RUNDC3B: variants seen among roughly 807,000 people sequenced by gnomAD.
RUNDC3B encodes the protein RUN domain containing 3B, also known as RUN domain-containing protein 3B.
In RUNDC3B, 33 loss-of-function variants were observed where a neutral mutation model predicts 58.4. The ratio of observed to expected loss-of-function variants is 0.56; its 90% CI spans 0.43 to 0.75. The LOEUF (loss-of-function observed/expected upper bound fraction) is 0.75. Among genes scored for constraint, RUNDC3B ranks in the 30% least tolerant of loss-of-function variants. The pLI, the probability that RUNDC3B is intolerant of heterozygous loss-of-function variation, is 0.00. For missense variants in RUNDC3B, 501 were observed against 535.7 expected (o/e 0.94, Z 0.64); for synonymous variants, 193 against 195.2 (o/e 0.99, Z 0.10).
At chr7:87,638,340 T>C (rs1822031817) in intron 1 of RUNDC3B, among the ~76,000 whole-genome samples, 1 of 107,280 alleles carries the variant, frequency 9.3e-6, no homozygotes, top group Non-Finnish European at 1.8e-5. Flanking sequence ...TTAGGAAGTA[T>C]GTGTTTGTGT....
intron 3 of RUNDC3B, chr7:87,709,528 G>A (rs1829885737): frequency 1.0e-6 from 1 of 985,202 alleles, no homozygotes; most frequent in Non-Finnish European, 1.2e-6. Context: ...TGACTCGCAT[G>A]CTAACCATAC....
chr7:87,758,965 A>G (rs1833529592), intron 6 of RUNDC3B, among the ~76,000 whole-genome samples: 1 of 152,330 alleles, frequency 6.6e-6, no homozygotes. Flanking sequence ...TGATCCAGCA[A>G]TTCCACTGCT....
chr7:87,662,298 A>T (rs1479867633), intron 2 of RUNDC3B, among the ~76,000 whole-genome samples: 2 of 151,932 alleles, frequency 1.3e-5, no homozygotes, highest in Non-Finnish European at 2.9e-5. Context: ...CCCTGTTCTT[A>T]TGGGGTGTCA....
intron 6 of RUNDC3B, among the ~76,000 whole-genome samples, chr7:87,743,316 C>T (rs1158770111): frequency 6.6e-6 from 1 of 152,128 alleles, no homozygotes; most frequent in African/African-American, 2.4e-5. Context: ...ACTTATTTTC[C>T]TCTGGGCAGA....
chr7:87,796,606 TA>T (rs1835834350), intron 8 of RUNDC3B, among the ~76,000 whole-genome samples: 1 of 152,078 alleles, frequency 6.6e-6, no homozygotes, highest in African/African-American at 2.4e-5. Flanking sequence ...ACAAAAACTT[TA>T]AAAAGAAAGA....
At chr7:87,820,642 A>G (rs1331059130) in intron 10 of RUNDC3B, among the ~76,000 whole-genome samples, 1 of 152,142 alleles carries the variant, frequency 6.6e-6, no homozygotes, top group Non-Finnish European at 1.5e-5. Context: ...ATCCTCAATA[A>G]AATACTAGCA....
chr7:87,686,524 A>G (rs1445727945), intron 2 of RUNDC3B, among the ~76,000 whole-genome samples: 1 of 152,224 alleles, frequency 6.6e-6, no homozygotes, highest in Admixed American at 6.5e-5. Context: ...CACATAGATT[A>G]AGAAAAATAG....
chr7:87,690,878 T>G (rs1183778820), intron 2 of RUNDC3B, among the ~76,000 whole-genome samples: 1 of 152,126 alleles, frequency 6.6e-6, no homozygotes, highest in Non-Finnish European at 1.5e-5. Context: ...TATTCCATCT[T>G]GGTACATTTA....
intron 3 of RUNDC3B, among the ~76,000 whole-genome samples, chr7:87,706,264 G>T (rs181452803): frequency 5.3e-5 from 8 of 152,192 alleles, no homozygotes; most frequent in Admixed American, 1.3e-4. Flanking sequence ...TATTCTCAGT[G>T]CAGTGGGGGA....
At position 87,830,525 on chromosome 7, in the gene RUNDC3B, C is replaced by T. The variant is rs1046851341; in HGVS notation, c.*495C>T. The T allele has an allele frequency of 2.0e-5, 3 of 149,908 alleles. No individual in the cohort carries two copies. Among genetic ancestry groups the T allele is most frequent in the African/African-American group, 7.4e-5 (3 of 40,678 alleles). 9.3% of individuals were successfully genotyped at this position (149,908 alleles called of 1,614,324 possible). ...GCTTTAAATGCCTTGTTTTTAATAA[C>T]GGGAAAGTTCTCAGCTGCATTTTCA... On this transcript the variant is annotated 3_prime_UTR_variant, in exon 11 of 11. Transcript: ENST00000394654.
At chr7:87,770,159 T>C (rs1468136156) in intron 6 of RUNDC3B, among the ~76,000 whole-genome samples, 3 of 152,120 alleles carry the variant, frequency 2.0e-5, no homozygotes, top group Admixed American at 6.5e-5. Flanking sequence ...CCACTGTTAT[T>C]AGCTGGAACT....
intron 6 of RUNDC3B, among the ~76,000 whole-genome samples, chr7:87,747,674 T>C (rs1832726091): frequency 6.6e-6 from 1 of 152,056 alleles, no homozygotes; most frequent in Non-Finnish European, 1.5e-5. Context: ...CTGTTGGGGA[T>C]AGGAGTGAGA....
At chr7:87,672,110 C>T (rs1486576191) in intron 2 of RUNDC3B, among the ~76,000 whole-genome samples, 4 of 151,982 alleles carry the variant, frequency 2.6e-5, no homozygotes, top group Non-Finnish European at 4.4e-5. Context: ...GCAGAGATGG[C>T]GACCTGCCTC....
chr7:87,766,590 A>G (rs1191562205), intron 6 of RUNDC3B, among the ~76,000 whole-genome samples: 1 of 152,026 alleles, frequency 6.6e-6, no homozygotes, highest in African/African-American at 2.4e-5. Context: ...TCTGGCTCAT[A>G]AGGTTTCTTC....
chr7:87,693,002 C>G (rs909816314), intron 2 of RUNDC3B, among the ~76,000 whole-genome samples: 1 of 152,008 alleles, frequency 6.6e-6, no homozygotes, highest in African/African-American at 2.4e-5. Flanking sequence ...ATTACTAGCT[C>G]TATGTGTTTG....
At position 87,803,574 on chromosome 7, in the gene RUNDC3B, C is replaced by T. The variant is rs563604489; in HGVS notation, c.957-3799C>T. Among the ~76,000 whole-genome samples, 4 of 152,134 alleles carry T rather than the reference C, an allele frequency of 2.6e-5. No homozygotes were observed. In the East Asian group the frequency reaches 7.7e-4, roughly 29 times the overall value. On this transcript the variant is annotated intron_variant, in intron 8 of 10. Transcript: ENST00000394654. Reference sequence around the variant, plus strand: ...CAAGGATCTAGAAGCCTATTAGAAGCGGTAGAGTATAATAAGGAAGGAGAA... The same window carrying T: ...CAAGGATCTAGAAGCCTATTAGAAGTGGTAGAGTATAATAAGGAAGGAGAA...
At chr7:87,684,746 C>CAAAAAAAAAAAA (rs71524694) in intron 2 of RUNDC3B, among the ~76,000 whole-genome samples, 2 of 37,790 alleles carry the variant, frequency 5.3e-5, no homozygotes, top group African/African-American at 1.8e-4. Context: ...GACTCCGTCT[C>CAAAAAAAAAAAA]AAAAAAAAAA....
chr7:87,635,154 C>G (rs1368580361), intron 1 of RUNDC3B, among the ~76,000 whole-genome samples: 1 of 152,154 alleles, frequency 6.6e-6, no homozygotes, highest in African/African-American at 2.4e-5. Context: ...CTTCTATTCC[C>G]TCTTACAGGT....
chr7:87,778,313 T>C (rs1025109535), intron 8 of RUNDC3B, among the ~76,000 whole-genome samples: 15 of 151,666 alleles, frequency 9.9e-5, no homozygotes, highest in African/African-American at 3.6e-4. Context: ...CATGGTGGCA[T>C]ATGTCTATAG....
Sources: gnomAD v4.1 joint callset for allele counts (sites outside exome capture counted in the v4.1 genomes callset) on GRCh38, gnomAD v4.1.1 for gene constraint, MANE v1.5 for transcripts, NCBI Gene and HGNC (gene_info 2026-07-23, HGNC 2026-07-21) for gene names.